Variants in DPF3 observed in about 807,000 individuals in gnomAD.
The protein encoded by DPF3 is zinc finger protein DPF3.
In DPF3, 18 loss-of-function variants were observed where a neutral mutation model predicts 56.8. That is an observed-to-expected ratio of 0.32 (90% CI 0.22 to 0.47). The LOEUF (loss-of-function observed/expected upper bound fraction) is 0.47. DPF3 is among the 20% of genes least tolerant of loss of function. DPF3 has a pLI of 1.00. For missense variants in DPF3, 403 were observed against 488.8 expected, an observed-to-expected ratio of 0.82 and a Z score of 1.65; for synonymous variants, 188 against 180.2, an observed-to-expected ratio of 1.04 and a Z score of -0.35.
chr14:72,869,553 C>T (rs572588080), intron 1 of DPF3, among the ~76,000 whole-genome samples: 2 of 152,244 alleles, frequency 1.3e-5, no homozygotes, highest in South Asian at 2.1e-4. Context: ...AAAATCTTCT[C>T]GACTGTCACA....
Position 72,625,172 on chromosome 14 carries a change from A to G in DPF3, c.984+4452T>C, listed in dbSNP as rs193142262. Among the ~76,000 whole-genome samples, 13 of 152,300 alleles carry G rather than the reference A, an allele frequency of 8.5e-5. 1 individual carries two copies. The East Asian group carries it at 1.9e-3, about 23-fold the overall frequency. ...CAATTGACAGTTCGTCCTTATAACC[A>G]TAACTGTGAAGTGTGCCCAATGATT... On this transcript the variant is annotated intron_variant, in intron 9 of 10. Coordinates refer to ENST00000556509, the MANE Select transcript of DPF3 (RefSeq NM_001280542.3).
intron 1 of DPF3, among the ~76,000 whole-genome samples, chr14:72,856,240 G>A (rs1386522793): frequency 6.6e-6 from 1 of 152,220 alleles, no homozygotes; most frequent in Non-Finnish European, 1.5e-5. Flanking sequence ...TCTGTTCTGA[G>A]GGTATCACAG....
At chr14:72,832,968 C>T (rs1221597759) in intron 1 of DPF3, among the ~76,000 whole-genome samples, 1 of 152,176 alleles carries the variant, frequency 6.6e-6, no homozygotes, top group African/African-American at 2.4e-5. Flanking sequence ...GGGAATATGA[C>T]TTGGAGAGAA....
At chr14:72,631,693 A>G (rs1885179346) in intron 8 of DPF3, among the ~76,000 whole-genome samples, 1 of 152,266 alleles carries the variant, frequency 6.6e-6, no homozygotes, top group South Asian at 2.1e-4. Flanking sequence ...CCATTGTGCT[A>G]GACAGAAAAG....
rs569465109 is a variant in DPF3 at position 72,677,858 on chromosome 14, G to A, written c.743-3490C>T. Reference sequence around the variant, plus strand: ...ATACTGTACCCCTCCTGTGGGAGGCGAGACATCATTCTGCACCAAACACAC... The same window carrying A: ...ATACTGTACCCCTCCTGTGGGAGGCAAGACATCATTCTGCACCAAACACAC... On this transcript the variant is annotated intron_variant, in intron 7 of 10. Transcript: ENST00000556509. Among the ~76,000 whole-genome samples the A allele has an allele frequency of 9.2e-5, 14 of 152,258 alleles. No homozygotes were observed. In the East Asian group the frequency reaches 1.9e-3, roughly 21 times the overall value.
intron 1 of DPF3, among the ~76,000 whole-genome samples, chr14:72,809,668 C>G (rs59336868): frequency 0.015 from 2,305 of 152,276 alleles, 54 homozygotes; most frequent in African/African-American, 0.053. Context: ...GGCAGTGATT[C>G]TCAGCCCTGC....
At chr14:72,840,957 T>G (rs1190993521) in intron 1 of DPF3, among the ~76,000 whole-genome samples, 2 of 152,194 alleles carry the variant, frequency 1.3e-5, no homozygotes, top group Non-Finnish European at 2.9e-5. Flanking sequence ...TTCCCAGGCA[T>G]GGGTCTGGCT....
At chr14:72,626,821 AT>A (rs1348396701) in intron 9 of DPF3, among the ~76,000 whole-genome samples, 2 of 152,058 alleles carry the variant, frequency 1.3e-5, no homozygotes, top group Non-Finnish European at 2.9e-5. Flanking sequence ...CATTTTTCCC[AT>A]AGCTTCATCA....
intron 1 of DPF3, among the ~76,000 whole-genome samples, chr14:72,772,769 A>G (rs1891586520): frequency 6.6e-6 from 1 of 152,248 alleles, no homozygotes. Flanking sequence ...AAAATAATCA[A>G]TGAGATCAAA....
intron 8 of DPF3, among the ~76,000 whole-genome samples, chr14:72,659,323 CT>C (rs1233835971): frequency 1.3e-5 from 2 of 151,364 alleles, no homozygotes; most frequent in Non-Finnish European, 2.9e-5. Context: ...TTCTTTCTCT[CT>C]TTTTCATTCT....
intron 1 of DPF3, among the ~76,000 whole-genome samples, chr14:72,818,703 A>G (rs1883399420): frequency 6.6e-6 from 1 of 152,226 alleles, no homozygotes; most frequent in African/African-American, 2.4e-5. Context: ...AATTAAAAAG[A>G]CATTGTTTAA....
intron 8 of DPF3, chr14:72,661,849 T>A: frequency 3.1e-6 from 3 of 961,000 alleles, no homozygotes; most frequent in Non-Finnish European, 3.6e-6. Flanking sequence ...ATGCTTTTAT[T>A]TTTGCTTTTT....
chr14:72,662,596 T>C, intron 8 of DPF3: 1 of 985,398 alleles, frequency 1.0e-6, no homozygotes. Context: ...AATCTTCTTA[T>C]TGCACAAACT....
intron 2 of DPF3, among the ~76,000 whole-genome samples, chr14:72,760,244 G>C (rs1891012444): frequency 6.6e-6 from 1 of 152,182 alleles, no homozygotes; most frequent in Admixed American, 6.5e-5. Flanking sequence ...GCCAAGGCAG[G>C]CACATCACCT....
At chr14:72,768,822 A>G (rs763261035) in intron 2 of DPF3, among the ~76,000 whole-genome samples, 28 of 152,262 alleles carry the variant, frequency 1.8e-4, no homozygotes, top group Non-Finnish European at 3.5e-4. Flanking sequence ...GTTTAATGGA[A>G]TATACCCTAA....
At chr14:72,892,527 G>A (rs901377996) in intron 1 of DPF3, 38 of 1,391,748 alleles carry the variant, frequency 2.7e-5, no homozygotes, top group Non-Finnish European at 3.3e-5. Context: ...TCTGATGGGC[G>A]ACGAGCTGGC....
At chr14:72,685,946 C>T (rs1267489257) in intron 7 of DPF3, among the ~76,000 whole-genome samples, 1 of 152,202 alleles carries the variant, frequency 6.6e-6, no homozygotes, top group Non-Finnish European at 1.5e-5. Context: ...CCACAGCTTT[C>T]TCTGGCTGGG....
At chr14:72,725,184 T>C (rs1178292885) in intron 4 of DPF3, among the ~76,000 whole-genome samples, 1 of 152,180 alleles carries the variant, frequency 6.6e-6, no homozygotes, top group East Asian at 1.9e-4. Flanking sequence ...GCAAAATGGC[T>C]ACAGTCCCAG....
intron 3 of DPF3, among the ~76,000 whole-genome samples, chr14:72,732,430 T>C (rs10146959): frequency 0.32 from 48,488 of 152,134 alleles, 8,478 homozygotes; most frequent in Middle Eastern, 0.4. Context: ...GTCAACCCCA[T>C]GACCTCCTCA....
Sources: allele counts gnomAD v4.1 joint callset (sites outside exome capture counted in the v4.1 genomes callset), GRCh38; gene constraint gnomAD v4.1.1; transcripts MANE v1.5; gene names NCBI Gene and HGNC (gene_info 2026-07-23, HGNC 2026-07-21).